OSGEPL1: variants seen among roughly 807,000 people sequenced by gnomAD.
OSGEPL1 encodes tRNA N6-adenosine threonylcarbamoyltransferase, mitochondrial.
In OSGEPL1, 26 loss-of-function variants were observed where a neutral mutation model predicts 37.2. The observed-to-expected ratio is 0.70, with a 90% CI of 0.51 to 0.97. The LOEUF is 0.97. OSGEPL1 is among the 50% of genes least tolerant of loss of function. The pLI is 0.00. For synonymous variants in OSGEPL1, 140 were observed against 159.9 expected (o/e 0.88, Z 0.94); for missense variants, 404 against 487.0 (o/e 0.83, Z 1.60).
At chr2:189,760,584 A>C (rs187602693) in intron 2 of OSGEPL1, among the ~76,000 whole-genome samples, 1 of 152,308 alleles carries the variant, frequency 6.6e-6, no homozygotes, top group East Asian at 1.9e-4. Flanking sequence ...AGAGGTCAGG[A>C]GATTGAGACC....
At chr2:189,747,401 AAG>A (rs2044303259) in intron 8 of OSGEPL1, 1 of 152,096 alleles carries the variant, frequency 6.6e-6, no homozygotes, top group Non-Finnish European at 1.5e-5. Flanking sequence ...AAAATTAAAA[AAG>A]AAAATAAAAC....
chr2:189,751,215 T>C lies in OSGEPL1; in HGVS notation c.1167-559A>G, dbSNP rs141994699. Among the ~76,000 whole-genome samples the C allele has an allele frequency of 1.8e-3, 273 of 152,286 alleles. 1 individual carries two copies. Among genetic ancestry groups the C allele is most frequent in the African/African-American group, 6.4e-3 (265 of 41,572 alleles). ...TGCTTTTCTACCATGGTGTCCAAGA[T>C]AAGGCTTTGCTTTGACTGAATCCCA... On this transcript the variant is annotated intron_variant, in intron 7 of 8. Transcript: ENST00000264151.
rs1010244113 is a variant in OSGEPL1, at chr2:189,750,596, T to C, written c.1227A>G (p.Gln409=). The stretch of plus-strand genomic sequence containing the variant: ...GCAGAAATCATATCTCCATTTTTAA[T>C]TGTGGTACTTTTATGGAAGCTTCTC... ...EVGEASIKVP[Q]LKMEI Residue 409 remains glutamine, a synonymous_variant, in exon 8 of 9, where the codon CAA becomes CAG. Coordinates refer to ENST00000264151, the MANE Select transcript of OSGEPL1 (RefSeq NM_022353.3). 5 of 1,584,096 alleles carry C rather than the reference T, an allele frequency of 3.2e-6. No individual in the cohort carries two copies. The highest frequency in any genetic ancestry group is 3.4e-6 in the Non-Finnish European group (4 of 1,161,336).
intron 8 of OSGEPL1, among the ~76,000 whole-genome samples, chr2:189,747,735 C>T (rs2044370283): frequency 6.6e-6 from 1 of 152,046 alleles, no homozygotes; most frequent in Admixed American, 6.6e-5. Context: ...CTCTGTCACC[C>T]AGGCTGGAGT....
rs779253823 is a variant in OSGEPL1 at position 189,754,385 on chromosome 2, T to C, written c.610-40A>G. 4 of 1,516,166 alleles carry C rather than the reference T, an allele frequency of 2.6e-6. No homozygotes were observed. The South Asian group carries it at 3.7e-5, about 14-fold the overall frequency. The allele number at this position is 1,516,166 out of a possible 1,614,324, so 93.9% of individuals were successfully genotyped here. On this transcript the variant is annotated intron_variant, in intron 3 of 8. Coordinates refer to ENST00000264151, the MANE Select transcript of OSGEPL1 (RefSeq NM_022353.3). ...TATTTTTTAGAGTCATAAAATTAAA[T>C]ACTGTGAAACGAAAAGATGCAAAGG...
chr2:189,746,777 T>A lies in OSGEPL1; in HGVS notation c.*420A>T. On this transcript the variant is annotated 3_prime_UTR_variant, in exon 9 of 9. Coordinates refer to ENST00000264151, the MANE Select transcript of OSGEPL1 (RefSeq NM_022353.3). ...CTAAGCAGATTTTCCTTAGCATGTC[T>A]ACAGGAATTTAGTGTCAGGTCAGAG... is the stretch of plus-strand genomic sequence containing the variant. 2 of 887,490 alleles carry A rather than the reference T, an allele frequency of 2.3e-6. No homozygotes were observed. Among genetic ancestry groups the A allele is most frequent in the Non-Finnish European group, 3.2e-6 (2 of 622,978 alleles). The allele number at this position is 887,490 out of a possible 1,614,324, so 55.0% of individuals were successfully genotyped here.
At chr2:189,760,628 T>C (rs1225115) in intron 2 of OSGEPL1, among the ~76,000 whole-genome samples, 130,966 of 151,942 alleles carry the variant, frequency 0.86, 57,333 homozygotes, top group East Asian at 0.94. Context: ...CCGTCTCTAC[T>C]AAAATGCAAA....
intron 8 of OSGEPL1, among the ~76,000 whole-genome samples, chr2:189,747,957 A>G (rs2044416762): frequency 6.6e-6 from 1 of 152,048 alleles, no homozygotes; most frequent in Non-Finnish European, 1.5e-5. Flanking sequence ...AAGTGCTGGG[A>G]TTACAGGTAT....
At chr2:189,756,630 C>T (rs1217688302) in intron 2 of OSGEPL1, among the ~76,000 whole-genome samples, 2 of 152,006 alleles carry the variant, frequency 1.3e-5, no homozygotes, top group African/African-American at 2.4e-5. Context: ...TCTTATATTC[C>T]TCATCTTTGT....
upstream of OSGEPL1, chr2:189,762,818 T>C: frequency 4.1e-6 from 4 of 985,458 alleles, no homozygotes; most frequent in Non-Finnish European, 4.8e-6. Flanking sequence ...CAAGGTCCCG[T>C]CCAGAGCTGG....
rs1412696167 is a variant in OSGEPL1 at position 189,750,673 on chromosome 2, C to A, written c.1167-17G>T. ...AGAGGACATCTACATCATAAGCAGACAAATCGTATTATTTATTTGCTTCAT... is the reference window on the plus strand; with the variant it reads ...AGAGGACATCTACATCATAAGCAGAAAAATCGTATTATTTATTTGCTTCAT... On this transcript the variant is annotated splice_polypyrimidine_tract_variant and intron_variant, in intron 7 of 8. Transcript: ENST00000264151. 1.4e-5 allele frequency: 21 copies of A among 1,550,140 alleles called. No individual in the cohort carries two copies. Among genetic ancestry groups the A allele is most frequent in the Non-Finnish European group, 1.7e-5 (20 of 1,149,226 alleles).
intron 5 of OSGEPL1, 116 bp from the exon 6 acceptor site, chr2:189,753,095 T>G (rs961375161): frequency 1.1e-6 from 1 of 933,912 alleles, no homozygotes. Context: ...CATTTTGAGA[T>G]GGGTAATGGG....
At position 189,762,546 on chromosome 2, in the gene OSGEPL1, A is replaced by C. The variant is rs1308545144; in HGVS notation, c.-21+139T>G. The stretch of plus-strand genomic sequence containing the variant: ...CGAAGCACTACCCTTTCGGGCCAAG[A>C]AAGCTGCAGGCTGAACCCACGTGAC... On this transcript the variant is annotated intron_variant, in intron 1 of 8. Coordinates refer to ENST00000264151, the MANE Select transcript of OSGEPL1 (RefSeq NM_022353.3). 8 of 968,488 alleles carry C rather than the reference A, an allele frequency of 8.3e-6. No individual in the cohort carries two copies. In the South Asian group the frequency reaches 2.9e-4, roughly 35 times the overall value. The allele number at this position is 968,488 out of a possible 1,614,324, so 60.0% of individuals were successfully genotyped here.
chr2:189,755,551 C>G lies in OSGEPL1; in HGVS notation c.231G>C (p.Gly77=). 1.3e-6 allele frequency: 2 copies of G among 1,584,194 alleles called. No individual in the cohort carries two copies. Among genetic ancestry groups the G allele is most frequent in the African/African-American group, 2.7e-5 (2 of 72,920 alleles). Residue 77 remains glycine (G), a synonymous_variant, in exon 3 of 9, where the codon GGG becomes GGC. Transcript: ENST00000264151. The stretch of plus-strand genomic sequence containing the variant: ...GCTGTTGAGCTGCTGGAGGAACAAT[C>G]CCACCTGTTCTGAAAGAAAGAAAGA... ...SQTEVHLKTG[G]IVPPAAQQLH...
chr2:189,762,375 T>A (rs1176677913), intron 1 of OSGEPL1, among the ~76,000 whole-genome samples: 1 of 152,178 alleles, frequency 6.6e-6, no homozygotes, highest in African/African-American at 2.4e-5. Context: ...AGGGCCTTTC[T>A]CCACCACACT....
At position 189,746,725 on chromosome 2, in the gene OSGEPL1, T is replaced by C; in HGVS notation, c.*472A>G. ...GCAAATAACATAACTGAATAATCTT[T>C]TTGAATGAAAGTTCTTGATCTCGAT... On this transcript the variant is annotated 3_prime_UTR_variant, in exon 9 of 9. Coordinates refer to ENST00000264151, the MANE Select transcript of OSGEPL1 (RefSeq NM_022353.3). The C allele has an allele frequency of 7.7e-7, 1 of 1,290,862 alleles. No individual in the cohort carries two copies. Among genetic ancestry groups the C allele is most frequent in the African/African-American group, 1.5e-5 (1 of 65,410 alleles). The allele number at this position is 1,290,862 out of a possible 1,614,324, so 80.0% of individuals were successfully genotyped here.
In OSGEPL1 at chr2:189,752,980, C is replaced by G; in HGVS notation, c.964-1G>C. On this transcript the variant is annotated splice_acceptor_variant, in intron 5 of 8. Transcript: ENST00000264151. LOFTEE classifies it high-confidence loss of function. ...TACTTGCGACACCACCAGATGCAAC[C>G]TGAAGGAATTGAGAAAACCAAAATA... 1 of 1,604,422 alleles carries G rather than the reference C, an allele frequency of 6.2e-7. No individual in the cohort carries two copies. Among genetic ancestry groups the G allele is most frequent in the East Asian group, 2.2e-5 (1 of 44,830 alleles).
At chr2:189,760,387 C>T (rs2046844612) in intron 2 of OSGEPL1, among the ~76,000 whole-genome samples, 1 of 152,078 alleles carries the variant, frequency 6.6e-6, no homozygotes, top group Admixed American at 6.5e-5. Context: ...CAGAGGCGCC[C>T]CCACCTCCCA....
At position 189,761,641 on chromosome 2, in the gene OSGEPL1, A is replaced by AC. The variant is rs1176161225; in HGVS notation, c.-2dup. ...CTGCAGTCTTAGTCAAGATTAGCAT[A>AC]CTTACTCTATAGATAATTCCTGAAA... On this transcript the variant is annotated 5_prime_UTR_variant, in exon 2 of 9. Transcript: ENST00000264151. 1.3e-6 allele frequency: 2 copies of AC among 1,580,644 alleles called. No homozygotes were observed. The highest frequency in any genetic ancestry group is 4.5e-5 in the East Asian group (2 of 44,314).
Sources: gnomAD v4.1 joint callset for allele counts (sites outside exome capture counted in the v4.1 genomes callset) on GRCh38, gnomAD v4.1.1 for gene constraint, MANE v1.5 for transcripts, NCBI Gene and HGNC (gene_info 2026-07-23, HGNC 2026-07-21) for gene names.